PAPPA: variants seen among roughly 807,000 people sequenced by gnomAD.
PAPPA encodes pappalysin-1.
PAPPA carries 60 observed loss-of-function variants against 164.0 expected under a neutral mutation model. The ratio of observed to expected loss-of-function variants is 0.37; its 90% CI spans 0.30 to 0.45. The LOEUF (loss-of-function observed/expected upper bound fraction) is 0.45, where lower values mean the gene tolerates loss of function less well. Ranked by LOEUF, PAPPA falls within the 20% of genes least tolerant of loss-of-function variation. The pLI is 1.00. For synonymous variants in PAPPA, 875 were observed against 814.1 expected, an observed-to-expected ratio of 1.07 and a Z score of -1.27; for missense variants, 1,782 against 2,087.3, an observed-to-expected ratio of 0.85 and a Z score of 2.85.
rs751065857 is a variant in PAPPA, at chr9:116,396,662, A to G, written c.*46A>G. Reference sequence around the variant, plus strand: ...AAGAATTCCCAACGCCAGGACCCACATCCCTTTGGTATTGATTTCACAGTC... The same window carrying G: ...AAGAATTCCCAACGCCAGGACCCACGTCCCTTTGGTATTGATTTCACAGTC... On this transcript the variant is annotated 3_prime_UTR_variant, in exon 22 of 22. Coordinates refer to ENST00000328252, the MANE Select transcript of PAPPA (RefSeq NM_002581.5). The G allele has an allele frequency of 1.3e-6, 1 of 772,368 alleles. No homozygotes were observed. The highest frequency in any genetic ancestry group is 1.7e-5 in the Admixed American group (1 of 58,252). 47.8% of individuals were successfully genotyped at this position (772,368 alleles called of 1,614,324 possible).
chr9:116,271,135 G>C lies in PAPPA; in HGVS notation c.2862-190G>C, dbSNP rs74408675. ...ATCAGAAACACAAAGCAAGGCAAAT[G>C]TGAAAGTATCTTATAAATCCATACC... On this transcript the variant is annotated intron_variant, in intron 8 of 21. Transcript: ENST00000328252. The surrounding 1 kb of genome is among the most constrained non-coding windows in gnomAD (Gnocchi z 4.2). Among the ~76,000 whole-genome samples, 37 of 152,326 alleles carry C rather than the reference G, an allele frequency of 2.4e-4. 2 individuals are homozygous for C. In the East Asian group the frequency reaches 4.8e-3, roughly 20 times the overall value.
rs144599956 is a variant in PAPPA at position 116,223,635 on chromosome 9, A to C, written c.2111+3506A>C. ...CTAATTAGGGTTAGCAGCTACGTTG[A>C]CCATAGTCTATGGCTAAAAGAAGTC... On this transcript the variant is annotated intron_variant, in intron 5 of 21. Coordinates refer to ENST00000328252, the MANE Select transcript of PAPPA (RefSeq NM_002581.5). Among the ~76,000 whole-genome samples, 580 of 152,334 alleles carry C rather than the reference A, an allele frequency of 3.8e-3. 1 individual carries two copies. Among genetic ancestry groups the C allele is most frequent in the Non-Finnish European group, 5.8e-3 (396 of 68,030 alleles).
intron 2 of PAPPA, among the ~76,000 whole-genome samples, chr9:116,201,785 C>G (rs1256281259): frequency 2.0e-5 from 3 of 152,200 alleles, no homozygotes; most frequent in African/African-American, 7.2e-5. Context: ...CAGTTTGTCT[C>G]TCTCTTAAAA....
intron 9 of PAPPA, among the ~76,000 whole-genome samples, chr9:116,302,315 G>T (rs1845589128): frequency 6.6e-6 from 1 of 151,964 alleles, no homozygotes; most frequent in African/African-American, 2.4e-5. Context: ...CTATTTTACA[G>T]CAGATTCCTA....
chr9:116,264,081 A>C (rs1845035730), intron 7 of PAPPA, among the ~76,000 whole-genome samples: 1 of 152,212 alleles, frequency 6.6e-6, no homozygotes, highest in Non-Finnish European at 1.5e-5. Context: ...TTTAGAAAAA[A>C]ATGAACGCAT....
chr9:116,227,832 G>A (rs755003077), intron 6 of PAPPA, among the ~76,000 whole-genome samples: 7 of 152,140 alleles, frequency 4.6e-5, no homozygotes, highest in Non-Finnish European at 8.8e-5. Flanking sequence ...TACAAACACA[G>A]TGTCTTGGGG....
chr9:116,271,654 A>G lies in PAPPA; in HGVS notation c.2953+238A>G, dbSNP rs1195115294. Reference sequence around the variant, plus strand: ...GCTTAAGCTCTCATAGATGATGCCAATGACGGGTAACTTCTTTTGATCAAG... The same window carrying G: ...GCTTAAGCTCTCATAGATGATGCCAGTGACGGGTAACTTCTTTTGATCAAG... On this transcript the variant is annotated intron_variant, in intron 9 of 21. Transcript: ENST00000328252. The surrounding 1 kb of genome is among the most constrained non-coding windows in gnomAD (Gnocchi z 4.2). Among the ~76,000 whole-genome samples, 1 of 152,214 alleles carries G rather than the reference A, an allele frequency of 6.6e-6. No homozygotes were observed. The highest frequency in any genetic ancestry group is 1.9e-4 in the East Asian group (1 of 5,192).
At chr9:116,356,798 C>T (rs1846360041) in intron 17 of PAPPA, among the ~76,000 whole-genome samples, 2 of 152,106 alleles carry the variant, frequency 1.3e-5, no homozygotes, top group South Asian at 4.1e-4. Flanking sequence ...GGAATGCCTC[C>T]AGCTGTGTTC....
chr9:116,212,534 T>C (rs1200807761), intron 4 of PAPPA, among the ~76,000 whole-genome samples: 1 of 152,178 alleles, frequency 6.6e-6, no homozygotes, highest in Non-Finnish European at 1.5e-5. Flanking sequence ...AGAGTTTTTG[T>C]GTTAGTCACA....
chr9:116,399,429 C>T lies in PAPPA; in HGVS notation c.*2813C>T, dbSNP rs536850488. The T allele has an allele frequency of 3.3e-5, 5 of 152,636 alleles. No homozygotes were observed. The highest frequency in any genetic ancestry group is 3.3e-4 in the Admixed American group (5 of 15,278). The allele number at this position is 152,636 out of a possible 1,614,324, so 9.5% of individuals were successfully genotyped here. On this transcript the variant is annotated 3_prime_UTR_variant, in exon 22 of 22. Transcript: ENST00000328252. Reference sequence around the variant, plus strand: ...GCTCAATTTGGGCAATGCATTTGTTCCCAGTTTCATTTTCTTCCTGGGAAT... The same window carrying T: ...GCTCAATTTGGGCAATGCATTTGTTTCCAGTTTCATTTTCTTCCTGGGAAT...
At chr9:116,226,344 C>T (rs998453240) in intron 5 of PAPPA, among the ~76,000 whole-genome samples, 6 of 152,164 alleles carry the variant, frequency 3.9e-5, no homozygotes, top group Non-Finnish European at 5.9e-5. Context: ...CACAAGCACA[C>T]GGTTCCTGAC....
At chr9:116,188,452 C>T (rs1844005327) in intron 2 of PAPPA, among the ~76,000 whole-genome samples, 1 of 152,102 alleles carries the variant, frequency 6.6e-6, no homozygotes, top group South Asian at 2.1e-4. Context: ...GCCTGAGAGC[C>T]CTGTTTTCTC....
chr9:116,209,564 T>G (rs2118680848), intron 3 of PAPPA, among the ~76,000 whole-genome samples: 1 of 152,226 alleles, frequency 6.6e-6, no homozygotes, highest in South Asian at 2.1e-4. Flanking sequence ...CCATAGCATG[T>G]TATAGTATTT....
chr9:116,341,271 C>T (rs1052356142), intron 13 of PAPPA, among the ~76,000 whole-genome samples: 2 of 152,066 alleles, frequency 1.3e-5, no homozygotes, highest in Non-Finnish European at 2.9e-5. Flanking sequence ...GAACTCCTGA[C>T]CTCAAGTGAT....
chr9:116,229,823 G>A (rs189322665), intron 6 of PAPPA, among the ~76,000 whole-genome samples: 9 of 152,284 alleles, frequency 5.9e-5, no homozygotes, highest in African/African-American at 1.4e-4. Flanking sequence ...TGGTGAGGTC[G>A]GTGGCTGTGA....
intron 21 of PAPPA, among the ~76,000 whole-genome samples, chr9:116,392,174 C>T (rs1846901727): frequency 6.6e-6 from 1 of 152,190 alleles, no homozygotes; most frequent in African/African-American, 2.4e-5. Flanking sequence ...TAGCTCAGTG[C>T]CAGGCACATA....
At chr9:116,380,029 A>T (rs1564249321) in intron 20 of PAPPA, among the ~76,000 whole-genome samples, 1 of 152,166 alleles carries the variant, frequency 6.6e-6, no homozygotes, top group Non-Finnish European at 1.5e-5. Flanking sequence ...TCATTTCTTC[A>T]GGGACTTCAC....
chr9:116,228,567 C>T (rs1167963608), intron 6 of PAPPA, among the ~76,000 whole-genome samples: 4 of 152,122 alleles, frequency 2.6e-5, no homozygotes, highest in Admixed American at 6.5e-5. Flanking sequence ...TGAAAAACGA[C>T]GGCACTGCAC....
At chr9:116,231,087 A>ATATATG (rs1844586071) in intron 6 of PAPPA, among the ~76,000 whole-genome samples, 1 of 151,910 alleles carries the variant, frequency 6.6e-6, no homozygotes. Context: ...ATATATATAT[A>ATATATG]GATATATAAC....
Sources: gnomAD v4.1 joint callset for allele counts (sites outside exome capture counted in the v4.1 genomes callset) on GRCh38, gnomAD v4.1.1 for gene constraint, Gnocchi (gnomAD v3.1) non-coding constraint, MANE v1.5 for transcripts, NCBI Gene and HGNC (gene_info 2026-07-23, HGNC 2026-07-21) for gene names.